Variants in ACRBP observed in about 807,000 individuals in gnomAD.
ACRBP encodes the protein acrosin binding protein.
Under a neutral mutation model 69.0 loss-of-function variants are expected in ACRBP, and 52 were observed. That is an observed-to-expected ratio of 0.75 (90% CI 0.60 to 0.95). ACRBP has a LOEUF of 0.95. ACRBP is among the 40% of genes least tolerant of loss of function. The pLI is 0.00. For missense variants in ACRBP, 604 were observed against 673.0 expected, an observed-to-expected ratio of 0.90 and a Z score of 1.13; for synonymous variants, 267 against 258.9, an observed-to-expected ratio of 1.03 and a Z score of -0.30.
Position 6,644,322 on chromosome 12 carries a change from C to T in ACRBP, c.759G>A (p.Glu253=). 1.2e-6 allele frequency: 2 copies of T among 1,614,148 alleles called. No homozygotes were observed. The highest frequency in any genetic ancestry group is 1.7e-6 in the Non-Finnish European group (2 of 1,180,028). The change falls in exon 5 of 10, where the codon GAG becomes GAA. Residue 253 remains glutamate (E), a synonymous_variant. Coordinates refer to ENST00000229243, the MANE Select transcript of ACRBP (RefSeq NM_032489.3). The part of the protein sequence containing the change: ...EAVSQLQTDS[E]PKFHSESLSS... The stretch of plus-strand genomic sequence containing the variant: ...ATAGAGATTCAGAGTGAAACTTGGG[C>T]TCTGAGTCTGTCTGCAGCTGAGACA...
intron 3 of ACRBP, among the ~76,000 whole-genome samples, chr12:6,645,873 G>A (rs1027443692): frequency 4.1e-4 from 63 of 151,828 alleles, no homozygotes; most frequent in Non-Finnish European, 7.2e-4. Flanking sequence ...TGTTAGCCAG[G>A]ATGGTCTCGA....
intron 6 of ACRBP, among the ~76,000 whole-genome samples, chr12:6,641,326 A>G (rs1161617049): frequency 6.6e-6 from 1 of 152,160 alleles, no homozygotes; most frequent in Non-Finnish European, 1.5e-5. Flanking sequence ...CCCCATGGGC[A>G]CAGCCTGTCA....
rs1289687078 is a variant in ACRBP, at chr12:6,640,190, TC to T, written c.1294del (p.Asp432IlefsTer65). The T allele has an allele frequency of 6.2e-7, 1 of 1,613,974 alleles. No individual in the cohort carries two copies. Among genetic ancestry groups the T allele is most frequent in the Non-Finnish European group, 8.5e-7 (1 of 1,180,028 alleles). On this transcript the variant is annotated frameshift_variant, in exon 8 of 10. Coordinates refer to ENST00000229243, the MANE Select transcript of ACRBP (RefSeq NM_032489.3). LOFTEE classifies it high-confidence loss of function. The surrounding 1 kb of genome is among the most constrained non-coding windows in gnomAD (Gnocchi z 5.3). Reference protein sequence around the residue: ...SPESGRFYGLDLYGGLHMDFW... With the variant: ...SPESGRFYGLXLYGGLHMDFW... ...GTCCATGTGGAGCCCACCGTACAAA[TC>T]CAGCCCGTAAAAGCGGCCTGATTCT...
intron 8 of ACRBP, among the ~76,000 whole-genome samples, chr12:6,639,479 G>GC (rs1275786691): frequency 6.6e-6 from 1 of 152,210 alleles, no homozygotes; most frequent in Admixed American, 6.5e-5. Flanking sequence ...CTGGACATGG[G>GC]CCCCCCAGCT....
rs1028485756 is a variant in ACRBP at position 6,640,786 on chromosome 12, C to T, written c.1078-264G>A. On this transcript the variant is annotated intron_variant, in intron 6 of 9. Transcript: ENST00000229243. The surrounding 1 kb of genome is among the most constrained non-coding windows in gnomAD (Gnocchi z 5.3). ...GACACCCAAATCTTTATCACCAGCT[C>T]TGATCTCTCTCTTGGGCTCCAAATC... 6.6e-6 allele frequency among the ~76,000 whole-genome samples: 1 copy of T among 152,168 alleles called. No individual in the cohort carries two copies. The highest frequency in any genetic ancestry group is 1.5e-5 in the Non-Finnish European group (1 of 68,040).
At position 6,638,148 on chromosome 12, in the gene ACRBP, T is replaced by C; in HGVS notation, c.*134A>G. The C allele has an allele frequency of 7.6e-7, 1 of 1,321,670 alleles. No individual in the cohort carries two copies. The highest frequency in any genetic ancestry group is 1.0e-6 in the Non-Finnish European group (1 of 956,416). 81.9% of individuals were successfully genotyped at this position (1,321,670 alleles called of 1,614,324 possible). On this transcript the variant is annotated 3_prime_UTR_variant, in exon 10 of 10. Coordinates refer to ENST00000229243, the MANE Select transcript of ACRBP (RefSeq NM_032489.3). The stretch of plus-strand genomic sequence containing the variant: ...CCCACCGTGGCCCTCTCTGGGACTG[T>C]TGCTCCAACCCAAGGAAATGTGAGT...
chr12:6,639,871 G>A (rs543745467), intron 8 of ACRBP, among the ~76,000 whole-genome samples, 189 bp downstream of exon 8: 13 of 152,276 alleles, frequency 8.5e-5, no homozygotes, highest in Non-Finnish European at 1.9e-4. Flanking sequence ...TCCTTTGCCT[G>A]CTCTATTGGT....
chr12:6,640,998 C>T lies in ACRBP; in HGVS notation c.1078-476G>A, dbSNP rs984228716. On this transcript the variant is annotated intron_variant, in intron 6 of 9. Coordinates refer to ENST00000229243, the MANE Select transcript of ACRBP (RefSeq NM_032489.3). This position sits in a 1 kb window ranked among gnomAD's most constrained non-coding sequence, Gnocchi z 5.3. Reference sequence around the variant, plus strand: ...ATGCTCTCATTTCATTTAGTTTTCACGACAACCCTATAACAGCAGAGATAC... The same window carrying T: ...ATGCTCTCATTTCATTTAGTTTTCATGACAACCCTATAACAGCAGAGATAC... Among the ~76,000 whole-genome samples, 3 of 152,204 alleles carry T rather than the reference C, an allele frequency of 2.0e-5. No homozygotes were observed. The highest frequency in any genetic ancestry group is 1.9e-4 in the East Asian group (1 of 5,202).
chr12:6,647,069 C>G, intron 1 of ACRBP, 57 bp from the exon 2 acceptor site: 1 of 1,493,758 alleles, frequency 6.7e-7, no homozygotes, highest in Non-Finnish European at 9.2e-7. Context: ...CGCTCCGAGA[C>G]CAGGACAGAC....
chr12:6,640,392 G>A lies in ACRBP; in HGVS notation c.1208C>T (p.Pro403Leu), dbSNP rs1949044332. 6.2e-7 allele frequency: 1 copy of A among 1,614,204 alleles called. No individual in the cohort carries two copies. Among genetic ancestry groups the A allele is most frequent in the Non-Finnish European group, 8.5e-7 (1 of 1,180,038 alleles). The stretch of plus-strand genomic sequence containing the variant: ...GGAGGCAAGCAAGGGGCTGACAAAG[G>A]GAGTCTTGTGGGAGGTGTCGCATTG... ...RQQCDTSHKT[P>L]FVSPLLASQS... Residue 403 changes from proline to leucine, a missense_variant, in exon 7 of 10, where the codon CCC becomes CTC. Physicochemically the swap from Pro to Leu is moderately conservative, Grantham distance 98. Transcript: ENST00000229243. The surrounding 1 kb of genome is among the most constrained non-coding windows in gnomAD (Gnocchi z 5.3).
At position 6,640,149 on chromosome 12, in the gene ACRBP, G is replaced by T; in HGVS notation, c.1336C>A (p.Leu446Ile). 6.2e-7 allele frequency: 1 copy of T among 1,614,220 alleles called. No individual in the cohort carries two copies. The highest frequency in any genetic ancestry group is 8.5e-7 in the Non-Finnish European group (1 of 1,180,034). The change falls in exon 8 of 10, where the codon CTT becomes ATT. Residue 446 changes from leucine (L) to isoleucine (I), a missense_variant. By Grantham distance (5) the Leu-to-Ile change is conservative. Around this residue, in one of 3 missense-constraint regions of ACRBP, gnomAD observed 532 missense variants for 562.9 expected, o/e 0.95. Transcript: ENST00000229243. The surrounding 1 kb of genome is among the most constrained non-coding windows in gnomAD (Gnocchi z 5.3). ...ACATCTTCACAGCCTTTCGTGGCAA[G>T]CCGGGCACACCAGAAGTCCATGTGG... Reference protein sequence around the residue: ...GLHMDFWCARLATKGCEDVRV... With the variant: ...GLHMDFWCARIATKGCEDVRV...
rs770439662 is a variant in ACRBP, at chr12:6,640,195, C to G, written c.1290G>C (p.Gly430=). The G allele has an allele frequency of 1.2e-6, 2 of 1,614,186 alleles. No homozygotes were observed. The highest frequency in any genetic ancestry group is 4.5e-5 in the East Asian group (2 of 44,888). ...VGSPESGRFY[G]LDLYGGLHMD... is the part of the protein sequence containing the mutation. Reference sequence around the variant, plus strand: ...TGTGGAGCCCACCGTACAAATCCAGCCCGTAAAAGCGGCCTGATTCTGGGG... The same window carrying G: ...TGTGGAGCCCACCGTACAAATCCAGGCCGTAAAAGCGGCCTGATTCTGGGG... The change falls in exon 8 of 10, where the codon GGG becomes GGC. Residue 430 remains glycine (G), a synonymous_variant. Transcript: ENST00000229243. The surrounding 1 kb of genome is among the most constrained non-coding windows in gnomAD (Gnocchi z 5.3).
chr12:6,646,605 G>A (rs1175204974), intron 2 of ACRBP, 28 bp from the exon 3 acceptor site: 1 of 1,603,500 alleles, frequency 6.2e-7, no homozygotes, highest in Admixed American at 1.7e-5. Flanking sequence ...TGGAGAAGAT[G>A]AACCCGTGGG....
rs543641819 is a variant in ACRBP at position 6,638,339 on chromosome 12, G to T, written c.1575C>A (p.Asp525Glu). Residue 525 changes from aspartate to glutamate, a missense_variant, in exon 10 of 10, where the codon GAC (aspartate) becomes GAA (glutamate). Transcript: ENST00000229243. Reference sequence around the variant, plus strand: ...ACTCCTGGCTCCATCGAAGCACAACGTCCTCACTTTTGCCAGGGCTCAGCG... The same window carrying T: ...ACTCCTGGCTCCATCGAAGCACAACTTCCTCACTTTTGCCAGGGCTCAGCG... Reference protein sequence around the residue: ...YSALSPGKSEDVVLRWSQEFS... With the variant: ...YSALSPGKSEEVVLRWSQEFS... 2 of 1,614,086 alleles carry T rather than the reference G, an allele frequency of 1.2e-6. No individual in the cohort carries two copies. The highest frequency in any genetic ancestry group is 3.3e-5 in the Admixed American group (2 of 60,020).
At chr12:6,639,552 A>G (rs1457639985) in intron 8 of ACRBP, among the ~76,000 whole-genome samples, 1 of 152,126 alleles carries the variant, frequency 6.6e-6, no homozygotes, top group Non-Finnish European at 1.5e-5. Flanking sequence ...CCTGCTAACT[A>G]CAGGAGGAGA....
In ACRBP at chr12:6,640,672, A is replaced by G; in HGVS notation, c.1078-150T>C. On this transcript the variant is annotated intron_variant, in intron 6 of 9. Coordinates refer to ENST00000229243, the MANE Select transcript of ACRBP (RefSeq NM_032489.3). This position sits in a 1 kb window ranked among gnomAD's most constrained non-coding sequence, Gnocchi z 5.3. ...GGGTTTTCTACTTGGCCTCCTCCCC[A>G]AGGGTTCCTCAAGGACCTTGCCTCA... The G allele has an allele frequency of 1.2e-6, 1 of 821,868 alleles. No individual in the cohort carries two copies. The highest frequency in any genetic ancestry group is 1.9e-6 in the Non-Finnish European group (1 of 535,766). 50.9% of individuals were successfully genotyped at this position (821,868 alleles called of 1,614,324 possible).
chr12:6,647,252 T>A, intron 1 of ACRBP, 72 bp downstream of exon 1: 1 of 1,495,068 alleles, frequency 6.7e-7, no homozygotes, highest in East Asian at 2.5e-5. Context: ...CCAGAAACCG[T>A]AAAAGCAGAG....
rs1762393787 is a variant in ACRBP at position 6,640,935 on chromosome 12, TAC to T, written c.1078-415_1078-414del. On this transcript the variant is annotated intron_variant, in intron 6 of 9. Coordinates refer to ENST00000229243, the MANE Select transcript of ACRBP (RefSeq NM_032489.3). The surrounding 1 kb of genome is among the most constrained non-coding windows in gnomAD (Gnocchi z 5.3). ...CTCTGCTAATGATAATGCTAATATTTACAAAGAGGTGACCCAGTGCCAGCACT... is the reference window on the plus strand; with the variant it reads ...CTCTGCTAATGATAATGCTAATATTTAAAGAGGTGACCCAGTGCCAGCACT... 6.6e-6 allele frequency among the ~76,000 whole-genome samples: 1 copy of T among 152,202 alleles called. No homozygotes were observed. Among genetic ancestry groups the T allele is most frequent in the Non-Finnish European group, 1.5e-5 (1 of 68,024 alleles).
chr12:6,647,332 A>T lies in ACRBP; in HGVS notation c.35T>A (p.Leu12His). 1 of 1,550,856 alleles carries T rather than the reference A, an allele frequency of 6.4e-7. No homozygotes were observed. The highest frequency in any genetic ancestry group is 8.7e-7 in the Non-Finnish European group (1 of 1,148,298). ...AGGTGTAAACCTCTCACCCTTCAGG[A>T]GTGAGGGAAGGAAGCCAGCGGCTGG... Reference protein sequence around the residue: ...RKPAAGFLPSLLKVLLLPLAP... With the variant: ...RKPAAGFLPSHLKVLLLPLAP... The change falls in exon 1 of 10, where the codon CTC becomes CAC. Residue 12 changes from leucine to histidine, a missense_variant. Physicochemically the swap from Leu to His is moderately conservative, Grantham distance 99. Around this residue, in one of 3 missense-constraint regions of ACRBP, gnomAD observed 532 missense variants for 562.9 expected, o/e 0.95. Coordinates refer to ENST00000229243, the MANE Select transcript of ACRBP (RefSeq NM_032489.3).
Sources: allele counts gnomAD v4.1 joint callset (sites outside exome capture counted in the v4.1 genomes callset), GRCh38; gene constraint gnomAD v4.1.1; regional missense constraint gnomAD v4.1.1; non-coding constraint Gnocchi (gnomAD v3.1); transcripts MANE v1.5; gene names NCBI Gene and HGNC (gene_info 2026-07-23, HGNC 2026-07-21).